MIS18A: variants seen among roughly 807,000 people sequenced by gnomAD.
The protein encoded by MIS18A is MIS18 kinetochore protein A.
Under a neutral mutation model 25.0 loss-of-function variants are expected in MIS18A, and 14 were observed. The observed-to-expected ratio is 0.56, with a 90% CI of 0.37 to 0.88. The LOEUF (loss-of-function observed/expected upper bound fraction) is 0.88, where lower values mean the gene tolerates loss of function less well. MIS18A is among the 40% of genes least tolerant of loss of function. MIS18A has a pLI of 0.00. For missense variants in MIS18A, 292 were observed against 290.8 expected, an observed-to-expected ratio of 1.00 and a Z score of -0.03; for synonymous variants, 134 against 118.6, an observed-to-expected ratio of 1.13 and a Z score of -0.84.
At chr21:32,270,989 C>A (rs532756897) in intron 2 of MIS18A, among the ~76,000 whole-genome samples, 60 of 152,260 alleles carry the variant, frequency 3.9e-4, no homozygotes, top group Admixed American at 1.3e-3. Context: ...CATAGTTTAC[C>A]AAACTCTGCT....
chr21:32,215,973 G>T, the MIS18A span, among the ~76,000 whole-genome samples: 1 of 152,176 alleles, frequency 6.6e-6, no homozygotes, highest in Non-Finnish European at 1.5e-5. Context: ...CTAACACTCT[G>T]TGGTGCCATC....
At chr21:32,260,369 G>A in the MIS18A span, 2 of 149,656 alleles carry the variant, frequency 1.3e-5, no homozygotes, top group Non-Finnish European at 2.9e-5. Flanking sequence ...GGACAAGTAA[G>A]AACTGTATAT....
the MIS18A span, among the ~76,000 whole-genome samples, chr21:32,255,877 C>T: frequency 2.2e-4 from 33 of 149,402 alleles, no homozygotes; most frequent in Non-Finnish European, 4.3e-4. Flanking sequence ...GGTGACAGAG[C>T]GAGACTCTGT....
chr21:32,197,434 G>A, the MIS18A span, among the ~76,000 whole-genome samples: 6 of 152,260 alleles, frequency 3.9e-5, no homozygotes, highest in East Asian at 1.2e-3. Context: ...TCTGACCACC[G>A]GTTCCAGCCA....
At chr21:32,232,259 AGATAT>A in the MIS18A span, among the ~76,000 whole-genome samples, 1 of 152,044 alleles carries the variant, frequency 6.6e-6, no homozygotes, top group Non-Finnish European at 1.5e-5. Context: ...CTAGATATAT[AGATAT>A]ATGTGCATAC....
chr21:32,239,786 C>A, the MIS18A span, among the ~76,000 whole-genome samples: 1 of 152,186 alleles, frequency 6.6e-6, no homozygotes, highest in Non-Finnish European at 1.5e-5. Context: ...ACAAAGGAAG[C>A]TCAAACTCTA....
intron 2 of MIS18A, among the ~76,000 whole-genome samples, chr21:32,272,883 G>C (rs1378604592): frequency 6.6e-6 from 1 of 152,180 alleles, no homozygotes; most frequent in Non-Finnish European, 1.5e-5. Context: ...GCACTTCGAA[G>C]GCAGTAAGGA....
At chr21:32,175,951 A>C in the MIS18A span, among the ~76,000 whole-genome samples, 1 of 152,138 alleles carries the variant, frequency 6.6e-6, no homozygotes, top group Non-Finnish European at 1.5e-5. Flanking sequence ...ACACAAACAC[A>C]TACATGAGCC....
At chr21:32,275,186 C>A (rs2031787293) in intron 1 of MIS18A, among the ~76,000 whole-genome samples, 1 of 151,906 alleles carries the variant, frequency 6.6e-6, no homozygotes, top group Non-Finnish European at 1.5e-5. Flanking sequence ...TCAGCCTGGA[C>A]AACATAACGA....
chr21:32,269,837 G>C (rs771939578), intron 3 of MIS18A, 34 bp from the exon 4 acceptor site: 2 of 1,296,124 alleles, frequency 1.5e-6, no homozygotes, highest in South Asian at 1.2e-5. Flanking sequence ...ATACAAGCTG[G>C]GTGTGGTGGC....
At chr21:32,245,276 C>T in the MIS18A span, among the ~76,000 whole-genome samples, 1 of 152,222 alleles carries the variant, frequency 6.6e-6, no homozygotes, top group Admixed American at 6.5e-5. Flanking sequence ...GGGCATCAGT[C>T]ATCGCACTGG....
intron 1 of MIS18A, 194 bp downstream of exon 1, chr21:32,278,487 C>T (rs1009612300): frequency 4.4e-5 from 26 of 594,774 alleles, no homozygotes; most frequent in African/African-American, 5.8e-5. Flanking sequence ...AGAAAAGAAC[C>T]CACCGCCCGA....
the MIS18A span, among the ~76,000 whole-genome samples, chr21:32,200,899 G>A: frequency 6.6e-6 from 1 of 152,156 alleles, no homozygotes; most frequent in Non-Finnish European, 1.5e-5. Flanking sequence ...ATAACCCTCA[G>A]GAGGCAGGAG....
At chr21:32,255,271 C>G in the MIS18A span, among the ~76,000 whole-genome samples, 1 of 151,528 alleles carries the variant, frequency 6.6e-6, no homozygotes, top group Non-Finnish European at 1.5e-5. Context: ...TGCTCTATTG[C>G]TCAGGGTAGA....
intron 4 of MIS18A, 56 bp downstream of exon 4, chr21:32,269,651 C>T (rs962907039): frequency 1.9e-6 from 2 of 1,074,608 alleles, no homozygotes; most frequent in African/African-American, 3.2e-5. Context: ...TGGGGGAGCA[C>T]TTCTTCACTG....
the MIS18A span, among the ~76,000 whole-genome samples, chr21:32,176,859 G>T: frequency 6.6e-6 from 1 of 151,834 alleles, no homozygotes; most frequent in East Asian, 1.9e-4. Flanking sequence ...CTATCCCAGA[G>T]AATAGAAAAA....
chr21:32,264,831 C>G (rs368077305), downstream of MIS18A, among the ~76,000 whole-genome samples: 57 of 152,292 alleles, frequency 3.7e-4, no homozygotes, highest in African/African-American at 1.3e-3. Flanking sequence ...GGACACATGC[C>G]ATTCAGGCAT....
At chr21:32,211,971 T>C in the MIS18A span, among the ~76,000 whole-genome samples, 2 of 152,184 alleles carry the variant, frequency 1.3e-5, no homozygotes, top group Non-Finnish European at 2.9e-5. Flanking sequence ...CACTCTGATT[T>C]TGATGCAATG....
At chr21:32,225,217 G>A in the MIS18A span, among the ~76,000 whole-genome samples, 2 of 94,956 alleles carry the variant, frequency 2.1e-5, no homozygotes, top group Non-Finnish European at 4.0e-5. Flanking sequence ...ACATAGGCAT[G>A]GGCAAGGACT....
Sources: gnomAD v4.1 joint callset for allele counts (sites outside exome capture counted in the v4.1 genomes callset) on GRCh38, gnomAD v4.1.1 for gene constraint, MANE v1.5 for transcripts, NCBI Gene and HGNC (gene_info 2026-07-23, HGNC 2026-07-21) for gene names.